MCM9: variants seen among roughly 807,000 people sequenced by gnomAD.
The protein encoded by MCM9 is DNA helicase MCM9.
A neutral mutation model predicts 72.8 loss-of-function variants in MCM9; 55 were observed. The ratio of observed to expected loss-of-function variants is 0.76; its 90% CI spans 0.61 to 0.95. The LOEUF (loss-of-function observed/expected upper bound fraction) is 0.95, where lower values mean the gene tolerates loss of function less well. MCM9 is among the 40% of genes least tolerant of loss of function. The pLI is 0.00. For missense variants in MCM9, 1,279 were observed against 1,377.0 expected (o/e 0.93, Z 1.13); for synonymous variants, 480 against 503.4 (o/e 0.95, Z 0.62).
chr6:118,896,263 AT>A (rs556715476), intron 8 of MCM9, among the ~76,000 whole-genome samples: 7 of 149,384 alleles, frequency 4.7e-5, no homozygotes, highest in East Asian at 3.9e-4. Flanking sequence ...CCCAACAGTA[AT>A]TTTTTTTTTA....
intron 8 of MCM9, among the ~76,000 whole-genome samples, chr6:118,903,278 T>C (rs948786439): frequency 8.5e-5 from 13 of 152,116 alleles, no homozygotes; most frequent in African/African-American, 3.1e-4. Flanking sequence ...ATCTAACCCC[T>C]CTGTGCAGGG....
chr6:118,850,883 G>C (rs1776173300), intron 9 of MCM9, among the ~76,000 whole-genome samples: 1 of 151,812 alleles, frequency 6.6e-6, no homozygotes, highest in African/African-American at 2.4e-5. Flanking sequence ...GGAATGCAGT[G>C]GCGTGATCAT....
At position 118,815,131 on chromosome 6, in the gene MCM9, G is replaced by A; in HGVS notation, c.3125C>T (p.Ser1042Leu). The change falls in exon 14 of 14, where the codon TCA (serine) becomes TTA (leucine). Residue 1042 changes from serine to leucine, a missense_variant. Ser to Leu is a moderately radical substitution (Grantham distance 145). Coordinates refer to ENST00000619706, the MANE Select transcript of MCM9 (RefSeq NM_017696.3). Reference protein sequence around the residue: ...TCEGDKKEEVSGSNKSGKVHA... With the variant: ...TCEGDKKEEVLGSNKSGKVHA... ...AACCTTGCCGCTTTTATTACTGCCT[G>A]AAACCTCTTCCTTTTTGTCTCCCTC... 1 of 1,550,602 alleles carries A rather than the reference G, an allele frequency of 6.4e-7. No individual in the cohort carries two copies. The highest frequency in any genetic ancestry group is 8.7e-7 in the Non-Finnish European group (1 of 1,146,996).
intron 8 of MCM9, among the ~76,000 whole-genome samples, chr6:118,884,035 T>C (rs1778454507): frequency 6.6e-6 from 1 of 152,190 alleles, no homozygotes; most frequent in Non-Finnish European, 1.5e-5. Context: ...ATGCAATATA[T>C]TTGGCAGTAA....
intron 9 of MCM9, among the ~76,000 whole-genome samples, chr6:118,832,655 C>T (rs1448169648): frequency 2.0e-5 from 3 of 152,302 alleles, no homozygotes; most frequent in East Asian, 3.9e-4. Flanking sequence ...CACATTTAAA[C>T]GTCCTACAAA....
At chr6:118,928,055 G>C (rs555146231) in intron 3 of MCM9, among the ~76,000 whole-genome samples, 10 of 152,292 alleles carry the variant, frequency 6.6e-5, no homozygotes, top group Admixed American at 2.6e-4. Context: ...CTTTGTCTCA[G>C]TGCTCTCCTC....
rs186351370 is a variant in MCM9 at position 118,909,675 on chromosome 6, T to A, written c.1150+1975A>T. Among the ~76,000 whole-genome samples the A allele has an allele frequency of 1.3e-4, 20 of 152,312 alleles. No homozygotes were observed. In the East Asian group the frequency reaches 3.9e-3, roughly 29 times the overall value. ...AACATTCCAGAGGTCTGAAGAAGTATGCATGCATTTATTTGCCCATTCATA... is the reference window on the plus strand; with the variant it reads ...AACATTCCAGAGGTCTGAAGAAGTAAGCATGCATTTATTTGCCCATTCATA... On this transcript the variant is annotated intron_variant, in intron 8 of 13. Coordinates refer to ENST00000619706, the MANE Select transcript of MCM9 (RefSeq NM_017696.3).
chr6:118,913,233 G>GA, intron 7 of MCM9, 62 bp downstream of exon 7: 4 of 1,576,682 alleles, frequency 2.5e-6, no homozygotes, highest in Non-Finnish European at 3.4e-6. Context: ...ATTTGGGAAA[G>GA]AAAAAGTTCT....
intron 8 of MCM9, among the ~76,000 whole-genome samples, chr6:118,879,030 TG>T (rs1432062031): frequency 0.01 from 1,581 of 152,164 alleles, 30 homozygotes; most frequent in African/African-American, 0.036. Context: ...CATTCCAGCC[TG>T]GGCAACAGAG....
At chr6:118,931,883 T>C (rs1782469074) in intron 2 of MCM9, 145 bp from the exon 3 acceptor site, 1 of 662,436 alleles carries the variant, frequency 1.5e-6, no homozygotes, top group Admixed American at 3.0e-5. Flanking sequence ...CTTAATGAAA[T>C]CTGAATTATC....
chr6:118,923,029 CAAAAAA>C (rs780562520), intron 4 of MCM9, among the ~76,000 whole-genome samples: 1 of 43,524 alleles, frequency 2.3e-5, no homozygotes, highest in Non-Finnish European at 5.1e-5. Flanking sequence ...AACTCCATCT[CAAAAAA>C]AAAAAAAAAA....
chr6:118,828,264 T>A, intron 10 of MCM9, 134 bp from the exon 11 acceptor site: 1 of 688,088 alleles, frequency 1.5e-6, no homozygotes, highest in African/African-American at 1.8e-5. Flanking sequence ...AATCTAGACT[T>A]GTCTGCATAG....
Position 118,828,106 on chromosome 6 carries a change from AG to A in MCM9, c.1552del (p.Leu518SerfsTer7), listed in dbSNP as rs1404846283. 2 of 1,550,314 alleles carry A rather than the reference AG, an allele frequency of 1.3e-6. No homozygotes were observed. The highest frequency in any genetic ancestry group is 1.7e-6 in the Non-Finnish European group (2 of 1,146,974). On this transcript the variant is annotated frameshift_variant, in exon 11 of 14. Coordinates refer to ENST00000619706, the MANE Select transcript of MCM9 (RefSeq NM_017696.3). LOFTEE classifies it high-confidence loss of function. ...NKGYPSKSEK[L>X]WSMEKMKTYF... ...GGTTTTCATCTTTTCCATGCTCCAGAGCTTCTCTGATTTGCTTGGGTAACCT... is the reference window on the plus strand; with the variant it reads ...GGTTTTCATCTTTTCCATGCTCCAGACTTCTCTGATTTGCTTGGGTAACCT...
chr6:118,872,908 C>T (rs550251295), intron 8 of MCM9, among the ~76,000 whole-genome samples: 13 of 152,000 alleles, frequency 8.6e-5, no homozygotes, highest in Non-Finnish European at 1.9e-4. Context: ...ATGATTCACG[C>T]CTGTAATCTC....
chr6:118,932,320 T>C (rs1161752078), intron 2 of MCM9, among the ~76,000 whole-genome samples: 1 of 152,220 alleles, frequency 6.6e-6, no homozygotes, highest in Non-Finnish European at 1.5e-5. Context: ...CAAAATCACC[T>C]AATGACAAAT....
chr6:118,862,910 G>C (rs1439592848), intron 8 of MCM9, among the ~76,000 whole-genome samples: 1 of 152,134 alleles, frequency 6.6e-6, no homozygotes, highest in Non-Finnish European at 1.5e-5. Flanking sequence ...TCCTTTCAAA[G>C]TAAAAGAGAA....
chr6:118,856,157 A>C lies in MCM9; in HGVS notation c.1325+214T>G, dbSNP rs148638267. ...GTTTAGTCAACCACATTTATACTTTACTTTTCCTTTTCTCTTTCCCAATAG... is the reference window on the plus strand; with the variant it reads ...GTTTAGTCAACCACATTTATACTTTCCTTTTCCTTTTCTCTTTCCCAATAG... On this transcript the variant is annotated intron_variant, in intron 9 of 13. Coordinates refer to ENST00000619706, the MANE Select transcript of MCM9 (RefSeq NM_017696.3). 3.7e-4 allele frequency among the ~76,000 whole-genome samples: 57 copies of C among 152,186 alleles called. No homozygotes were observed. In the Middle Eastern group the frequency reaches 0.01, roughly 27 times the overall value.
chr6:118,845,823 G>A lies in MCM9; in HGVS notation c.1325+10548C>T, dbSNP rs1045098878. ...AATTTTTTCTAGTCTAAACCTGAAG[G>A]CCTCTATAACCCTAGAGGCAACCTA... is the stretch of plus-strand genomic sequence containing the variant. On this transcript the variant is annotated intron_variant, in intron 9 of 13. Coordinates refer to ENST00000619706, the MANE Select transcript of MCM9 (RefSeq NM_017696.3). Among the ~76,000 whole-genome samples the A allele has an allele frequency of 1.4e-4, 22 of 151,758 alleles. 2 individuals are homozygous for A. The highest frequency in any genetic ancestry group is 5.3e-4 in the African/African-American group (22 of 41,158).
chr6:118,918,986 C>T (rs1034859866), intron 5 of MCM9: 3 of 152,130 alleles, frequency 2.0e-5, no homozygotes, highest in Admixed American at 2.0e-4. Flanking sequence ...TACAAGTTTC[C>T]AAGATCTTTC....
Sources: gnomAD v4.1 joint callset for allele counts (sites outside exome capture counted in the v4.1 genomes callset) on GRCh38, gnomAD v4.1.1 for gene constraint, MANE v1.5 for transcripts, NCBI Gene and HGNC (gene_info 2026-07-23, HGNC 2026-07-21) for gene names.